AP3B1: variants seen among roughly 807,000 people sequenced by gnomAD.
AP3B1 encodes AP-3 complex subunit beta-1.
Under a neutral mutation model 132.5 loss-of-function variants are expected in AP3B1, and 61 were observed. The observed-to-expected ratio is 0.46, with a 90% CI of 0.37 to 0.57. The LOEUF (loss-of-function observed/expected upper bound fraction) is 0.57. Ranked by LOEUF, AP3B1 falls within the 20% of genes least tolerant of loss-of-function variation. The probability of loss-of-function intolerance (pLI) is 0.00; values close to 1 mark genes in which losing one functional copy is unlikely to be tolerated. For missense variants in AP3B1, 1,120 were observed against 1,289.4 expected (o/e 0.87, Z 2.01); for synonymous variants, 388 against 438.3 (o/e 0.89, Z 1.43).
At chr5:78,073,274 T>C (rs1173589039) in intron 22 of AP3B1, among the ~76,000 whole-genome samples, 1 of 152,234 alleles carries the variant, frequency 6.6e-6, no homozygotes, top group Admixed American at 6.5e-5. Flanking sequence ...ATAAGAATTA[T>C]TAATTTCCAT....
chr5:78,294,372 A>T, intron 1 of AP3B1, 80 bp downstream of exon 1: 1 of 1,605,288 alleles, frequency 6.2e-7, no homozygotes, highest in Non-Finnish European at 8.5e-7. Flanking sequence ...GCTCCTCTCC[A>T]GGAAGCCCAC....
At chr5:78,099,211 G>A (rs936939570) in intron 21 of AP3B1, among the ~76,000 whole-genome samples, 6 of 152,156 alleles carry the variant, frequency 3.9e-5, no homozygotes, top group African/African-American at 7.2e-5. Context: ...CCAGAACTAC[G>A]AACAACTAAT....
At chr5:78,018,602 A>T (rs1196591437) in intron 25 of AP3B1, among the ~76,000 whole-genome samples, 2 of 151,920 alleles carry the variant, frequency 1.3e-5, no homozygotes, top group Non-Finnish European at 2.9e-5. Flanking sequence ...AAAATGTGTC[A>T]TATGAAATAA....
intron 14 of AP3B1, among the ~76,000 whole-genome samples, chr5:78,142,911 T>A (rs1335400181): frequency 6.6e-6 from 1 of 152,112 alleles, no homozygotes; most frequent in Non-Finnish European, 1.5e-5. Flanking sequence ...TTCCAAAGGT[T>A]ACACTGCATT....
chr5:78,089,345 A>G (rs576768071), intron 22 of AP3B1, 48 bp downstream of exon 22: 2 of 1,310,552 alleles, frequency 1.5e-6, no homozygotes, highest in African/African-American at 1.5e-5. Flanking sequence ...AAAAAGATAC[A>G]ATGGCAACAT....
At chr5:78,120,281 C>T (rs1178285181) in intron 17 of AP3B1, among the ~76,000 whole-genome samples, 4 of 152,218 alleles carry the variant, frequency 2.6e-5, no homozygotes, top group African/African-American at 9.6e-5. Context: ...GAAACTGCAT[C>T]AACTAACGAG....
intron 17 of AP3B1, chr5:78,121,626 C>G (rs1215508829): frequency 1.3e-5 from 2 of 152,050 alleles, no homozygotes; most frequent in Non-Finnish European, 2.9e-5. Context: ...ATACATACAC[C>G]CTCCCAAGAC....
At chr5:78,067,212 A>C (rs1749329709) in intron 22 of AP3B1, among the ~76,000 whole-genome samples, 2 of 152,248 alleles carry the variant, frequency 1.3e-5, no homozygotes, top group African/African-American at 4.8e-5. Context: ...TTCAACAAGA[A>C]GAGCTAATTA....
chr5:78,230,320 A>G lies in AP3B1; in HGVS notation c.280-2081T>C, dbSNP rs1449482763. Among the ~76,000 whole-genome samples, 4 of 152,262 alleles carry G rather than the reference A, an allele frequency of 2.6e-5. No individual in the cohort carries two copies. The South Asian group carries it at 6.2e-4, about 24-fold the overall frequency. On this transcript the variant is annotated intron_variant, in intron 3 of 26. Transcript: ENST00000255194. ...TATAATCCAAACTATTTCTCAATTC[A>G]TAAGTACAAATGAAAACTTAATGAG...
chr5:78,095,697 T>C lies in AP3B1; in HGVS notation c.2470+5256A>G, dbSNP rs140799550. Among the ~76,000 whole-genome samples the C allele has an allele frequency of 1.2e-4, 18 of 152,314 alleles. No homozygotes were observed. The East Asian group carries it at 3.5e-3, about 29-fold the overall frequency. On this transcript the variant is annotated intron_variant, in intron 21 of 26. Transcript: ENST00000255194. ...ATCTGTGTCTCTGACTAGATTTTAG[T>C]TTTTGGAAGGGAATGACTAAATTCT...
At chr5:78,259,108 C>T (rs1475487120) in intron 2 of AP3B1, among the ~76,000 whole-genome samples, 1 of 152,002 alleles carries the variant, frequency 6.6e-6, no homozygotes, top group African/African-American at 2.4e-5. Flanking sequence ...ATTAGCCAGG[C>T]ATGATGGCAG....
chr5:78,174,706 G>C (rs1744072367), intron 11 of AP3B1, among the ~76,000 whole-genome samples: 1 of 152,254 alleles, frequency 6.6e-6, no homozygotes, highest in African/African-American at 2.4e-5. Context: ...GAGGCCATCT[G>C]TCTGTTCTCA....
At chr5:78,190,167 A>G (rs868358670) in intron 7 of AP3B1, among the ~76,000 whole-genome samples, 3 of 152,134 alleles carry the variant, frequency 2.0e-5, no homozygotes, top group Non-Finnish European at 2.9e-5. Flanking sequence ...CATGAAGAAC[A>G]TGTTGCTTAT....
At chr5:78,212,677 G>A (rs1745791702) in intron 7 of AP3B1, among the ~76,000 whole-genome samples, 1 of 152,048 alleles carries the variant, frequency 6.6e-6, no homozygotes, top group Admixed American at 6.6e-5. Flanking sequence ...AAAAAAGAGA[G>A]GTAAACTCTC....
rs540150605 is a variant in AP3B1, at chr5:78,228,147, C to T, written c.372G>A (p.Leu124=). ...LLSISTFQRA[L]KDPNQLIRAS... Reference sequence around the variant, plus strand: ...GCCTACTCACTCCATTATTTACCTTCAGAGCTCGCTGAAAAGTGCTTATGG... The same window carrying T: ...GCCTACTCACTCCATTATTTACCTTTAGAGCTCGCTGAAAAGTGCTTATGG... Residue 124 remains leucine, a synonymous_variant, in exon 4 of 27, where the codon CTG becomes CTA. Transcript: ENST00000255194. 1.2e-6 allele frequency: 2 copies of T among 1,601,384 alleles called. No homozygotes were observed. Among genetic ancestry groups the T allele is most frequent in the African/African-American group, 1.3e-5 (1 of 74,256 alleles).
chr5:78,018,644 G>C (rs1409886756), intron 25 of AP3B1, among the ~76,000 whole-genome samples: 1 of 150,006 alleles, frequency 6.7e-6, no homozygotes, highest in Non-Finnish European at 1.5e-5. Context: ...CTTTATTCAA[G>C]GTAGAAAAAT....
chr5:78,021,282 C>T (rs1192265233), intron 24 of AP3B1, among the ~76,000 whole-genome samples: 1 of 151,974 alleles, frequency 6.6e-6, no homozygotes, highest in Non-Finnish European at 1.5e-5. Context: ...AGTAATATCT[C>T]ATCTGCAAAC....
At chr5:78,174,316 G>A (rs947797632) in intron 11 of AP3B1, among the ~76,000 whole-genome samples, 3 of 152,188 alleles carry the variant, frequency 2.0e-5, no homozygotes, top group African/African-American at 7.2e-5. Flanking sequence ...CCCTATCTTT[G>A]TGGTTTTATA....
At chr5:78,246,920 T>A (rs942515264) in intron 2 of AP3B1, among the ~76,000 whole-genome samples, 4 of 152,168 alleles carry the variant, frequency 2.6e-5, no homozygotes, top group African/African-American at 9.6e-5. Flanking sequence ...AGAGCACTGA[T>A]TGGAAATACT....
Sources: gnomAD v4.1 joint callset for allele counts (sites outside exome capture counted in the v4.1 genomes callset) on GRCh38, gnomAD v4.1.1 for gene constraint, MANE v1.5 for transcripts, NCBI Gene and HGNC (gene_info 2026-07-23, HGNC 2026-07-21) for gene names.